The following STXBP5L variants were observed in gnomAD, a reference collection of about 807,000 sequenced individuals.
STXBP5L encodes the protein syntaxin binding protein 5L.
STXBP5L carries 65 observed loss-of-function variants against 144.5 expected under a neutral mutation model. The observed-to-expected ratio is 0.45, with a 90% CI of 0.37 to 0.55. The LOEUF (loss-of-function observed/expected upper bound fraction) is 0.55, where lower values mean the gene tolerates loss of function less well. STXBP5L is among the 20% of genes least tolerant of loss of function. The pLI, the probability that STXBP5L is intolerant of heterozygous loss-of-function variation, is 0.00. For missense variants in STXBP5L, 1,298 were observed against 1,405.5 expected (o/e 0.92, Z 1.22); for synonymous variants, 505 against 469.6 (o/e 1.08, Z -0.97).
At chr3:121,071,979 T>C (rs2041830088) in intron 5 of STXBP5L, among the ~76,000 whole-genome samples, 1 of 152,226 alleles carries the variant, frequency 6.6e-6, no homozygotes, top group Non-Finnish European at 1.5e-5. Flanking sequence ...TTAACAGCTG[T>C]TTGAGTGTCT....
chr3:121,030,789 A>G (rs1362668044), intron 3 of STXBP5L, among the ~76,000 whole-genome samples: 3 of 152,084 alleles, frequency 2.0e-5, no homozygotes, highest in East Asian at 3.9e-4. Flanking sequence ...GAAGATTTTG[A>G]TGCATGATAA....
At chr3:121,005,408 C>G (rs898051269) in intron 3 of STXBP5L, among the ~76,000 whole-genome samples, 2 of 152,088 alleles carry the variant, frequency 1.3e-5, no homozygotes, top group East Asian at 1.9e-4. Context: ...TCCCCTTTAT[C>G]ATGTTTTATT....
chr3:121,380,248 C>T (rs2046291895), intron 21 of STXBP5L, among the ~76,000 whole-genome samples: 1 of 152,152 alleles, frequency 6.6e-6, no homozygotes, highest in African/African-American at 2.4e-5. Context: ...ATATAACCTC[C>T]AAGCTCCCTC....
At chr3:121,126,958 A>G (rs1348649678) in intron 7 of STXBP5L, among the ~76,000 whole-genome samples, 1 of 152,124 alleles carries the variant, frequency 6.6e-6, no homozygotes, top group Non-Finnish European at 1.5e-5. Context: ...TTCTCACCAC[A>G]ACTGGGAAAC....
chr3:121,013,479 G>T (rs1229283740), intron 3 of STXBP5L, among the ~76,000 whole-genome samples: 1 of 151,904 alleles, frequency 6.6e-6, no homozygotes, highest in Non-Finnish European at 1.5e-5. Context: ...TTTGTTGGGT[G>T]CTTGTATGTC....
At chr3:121,251,375 C>T (rs943366827) in intron 15 of STXBP5L, among the ~76,000 whole-genome samples, 1 of 152,126 alleles carries the variant, frequency 6.6e-6, no homozygotes, top group African/African-American at 2.4e-5. Flanking sequence ...AATATAAGAA[C>T]TCTCAATGCA....
At chr3:121,068,502 T>C in intron 5 of STXBP5L, among the ~76,000 whole-genome samples, 1 of 152,152 alleles carries the variant, frequency 6.6e-6, no homozygotes, top group Non-Finnish European at 1.5e-5. Context: ...TGAGGGATTA[T>C]CTTTAATAAC....
chr3:121,074,748 G>A (rs1483994125), intron 5 of STXBP5L, among the ~76,000 whole-genome samples: 1 of 152,102 alleles, frequency 6.6e-6, no homozygotes, highest in Admixed American at 6.6e-5. Context: ...CTTTGACCTA[G>A]GTTTAGAGTC....
intron 5 of STXBP5L, among the ~76,000 whole-genome samples, chr3:121,092,311 G>C (rs1472225722): frequency 6.6e-6 from 1 of 152,050 alleles, no homozygotes; most frequent in South Asian, 2.1e-4. Context: ...TGTGATGAAA[G>C]TCATTGGTAG....
At chr3:121,244,315 GA>G (rs2049769469) in intron 14 of STXBP5L, among the ~76,000 whole-genome samples, 1 of 151,820 alleles carries the variant, frequency 6.6e-6, no homozygotes, top group South Asian at 2.1e-4. Context: ...CCAAGCAGAA[GA>G]AAGAATCAGT....
intron 9 of STXBP5L, among the ~76,000 whole-genome samples, chr3:121,187,248 G>T (rs530759514): frequency 5.3e-5 from 8 of 152,222 alleles, no homozygotes; most frequent in South Asian, 2.1e-4. Context: ...CATGTCCTTT[G>T]TAGGGACATG....
chr3:121,208,747 A>T (rs532319962), intron 10 of STXBP5L, among the ~76,000 whole-genome samples: 1 of 152,102 alleles, frequency 6.6e-6, no homozygotes, highest in African/African-American at 2.4e-5. Flanking sequence ...TTGTGGTATT[A>T]TTTTATGGGT....
intron 3 of STXBP5L, among the ~76,000 whole-genome samples, chr3:120,996,627 T>C (rs1943370533): frequency 6.6e-6 from 1 of 152,184 alleles, no homozygotes; most frequent in Admixed American, 6.6e-5. Context: ...CCCAGCCTCC[T>C]TGGCACTGGT....
At chr3:121,117,547 T>C (rs964584093) in intron 6 of STXBP5L, among the ~76,000 whole-genome samples, 1 of 151,840 alleles carries the variant, frequency 6.6e-6, no homozygotes, top group South Asian at 2.1e-4. Flanking sequence ...GTGTCAAGTG[T>C]ATGGGACAGT....
At chr3:121,235,829 A>C (rs1375995592) in intron 12 of STXBP5L, among the ~76,000 whole-genome samples, 1 of 139,000 alleles carries the variant, frequency 7.2e-6, no homozygotes, top group African/African-American at 2.6e-5. Flanking sequence ...ACACACACAC[A>C]CACACACACA....
At chr3:121,258,116 A>G (rs2050267553) in intron 17 of STXBP5L, among the ~76,000 whole-genome samples, 1 of 152,166 alleles carries the variant, frequency 6.6e-6, no homozygotes, top group African/African-American at 2.4e-5. Context: ...AGCTAAACAA[A>G]GATTTGCATC....
chr3:121,387,094 A>G (rs2046445145), intron 22 of STXBP5L, among the ~76,000 whole-genome samples: 2 of 152,152 alleles, frequency 1.3e-5, no homozygotes, highest in African/African-American at 4.8e-5. Context: ...AATGATTGCC[A>G]TTCTAACGGG....
At chr3:121,390,146 TTCTTTGTC>T (rs1468078785) in intron 22 of STXBP5L, among the ~76,000 whole-genome samples, 1 of 152,216 alleles carries the variant, frequency 6.6e-6, no homozygotes, top group African/African-American at 2.4e-5. Context: ...TGTAATGGCC[TTCTTTGTC>T]TCTTTTGACC....
At chr3:120,982,974 G>A (rs556325379) in intron 3 of STXBP5L, among the ~76,000 whole-genome samples, 4 of 152,328 alleles carry the variant, frequency 2.6e-5, no homozygotes, top group South Asian at 2.1e-4. Context: ...GAATGCTCAG[G>A]CAGGGTGGCT....
Sources: gnomAD v4.1 joint callset for allele counts (sites outside exome capture counted in the v4.1 genomes callset) on GRCh38, gnomAD v4.1.1 for gene constraint, MANE v1.5 for transcripts, NCBI Gene and HGNC (gene_info 2026-07-23, HGNC 2026-07-21) for gene names.